ACTR3: variants seen among roughly 807,000 people sequenced by gnomAD.
ACTR3 encodes the protein actin-related protein 3.
Under a neutral mutation model 56.8 loss-of-function variants are expected in ACTR3, and 12 were observed. That is an observed-to-expected ratio of 0.21 (90% CI 0.14 to 0.34). The LOEUF (loss-of-function observed/expected upper bound fraction) is 0.34, where lower values mean the gene tolerates loss of function less well. Ranked by LOEUF, ACTR3 falls within the 10% of genes least tolerant of loss-of-function variation. The pLI is 1.00. For missense variants in ACTR3, 282 were observed against 512.5 expected, an observed-to-expected ratio of 0.55 and a Z score of 4.34; for synonymous variants, 162 against 167.4, an observed-to-expected ratio of 0.97 and a Z score of 0.25.
rs1467014113 is a variant in ACTR3, at chr2:113,951,459, A to G, written c.859-20A>G. ...TCAGTAGTGATATGATCTCTATTAT[A>G]TATCCAACTTATTTTTCAGTTTGCT... On this transcript the variant is annotated intron_variant, in intron 8 of 11. Transcript: ENST00000263238. The G allele has an allele frequency of 5.3e-6, 8 of 1,506,994 alleles. No homozygotes were observed. The highest frequency in any genetic ancestry group is 1.4e-5 in the African/African-American group (1 of 72,766). 93.4% of individuals were successfully genotyped at this position (1,506,994 alleles called of 1,614,324 possible).
intron 1 of ACTR3, among the ~76,000 whole-genome samples, chr2:113,911,667 C>T (rs955163561): frequency 7.9e-5 from 12 of 151,714 alleles, no homozygotes; most frequent in African/African-American, 2.4e-4. Flanking sequence ...GATCCTCTCT[C>T]CTCGGCCTTG....
Position 113,951,475 on chromosome 2 carries a change from T to G in ACTR3, c.859-4T>G. On this transcript the variant is annotated splice_polypyrimidine_tract_variant and splice_region_variant and intron_variant, in intron 8 of 11. Coordinates refer to ENST00000263238, the MANE Select transcript of ACTR3 (RefSeq NM_005721.5). ...CTCTATTATATATCCAACTTATTTT[T>G]CAGTTTGCTAATCCAGACTTTACAC... 1 of 1,591,952 alleles carries G rather than the reference T, an allele frequency of 6.3e-7. No individual in the cohort carries two copies. Among genetic ancestry groups the G allele is most frequent in the South Asian group, 1.1e-5 (1 of 90,518 alleles).
intron 3 of ACTR3, among the ~76,000 whole-genome samples, chr2:113,925,320 C>T (rs1214723289): frequency 6.6e-6 from 1 of 151,584 alleles, no homozygotes; most frequent in Non-Finnish European, 1.5e-5. Flanking sequence ...CTCAGCCTCC[C>T]GAGTAGCTGG....
At chr2:113,897,853 C>T (rs1160726629) in intron 1 of ACTR3, among the ~76,000 whole-genome samples, 6 of 152,084 alleles carry the variant, frequency 3.9e-5, no homozygotes, top group Non-Finnish European at 8.8e-5. Context: ...TTCATCTGTT[C>T]GGATACTCAA....
At position 113,913,292 on chromosome 2, in the gene ACTR3, T is replaced by G. The variant is rs186793034; in HGVS notation, c.100+65T>G. The G allele has an allele frequency of 5.2e-3, 6,303 of 1,205,702 alleles. 80 individuals are homozygous for G. Among genetic ancestry groups the G allele is most frequent in the Non-Finnish European group, 3.6e-3 (3,093 of 849,800 alleles). The allele number at this position is 1,205,702 out of a possible 1,614,324, so 74.7% of individuals were successfully genotyped here. Reference sequence around the variant, plus strand: ...AGATCCCCTTCCCTAATAATTTAAGTAAAAGAAGTAATCAGTTCTGAAATC... The same window carrying G: ...AGATCCCCTTCCCTAATAATTTAAGGAAAAGAAGTAATCAGTTCTGAAATC... On this transcript the variant is annotated intron_variant, in intron 2 of 11. Coordinates refer to ENST00000263238, the MANE Select transcript of ACTR3 (RefSeq NM_005721.5).
chr2:113,931,349 A>G lies in ACTR3; in HGVS notation c.385A>G (p.Ile129Val). Residue 129 changes from isoleucine to valine, a missense_variant, in exon 5 of 12, where the codon ATA (isoleucine) becomes GTA (valine). Physicochemically the swap from Ile to Val is conservative, Grantham distance 29. Transcript: ENST00000263238. ...AGAAAACAGGGAATATACTGCTGAA[A>G]TAATGTTTGAGTCCTTCAATGTTCC... ...TPENREYTAE[I>V]MFESFNVPGL... 1.2e-6 allele frequency: 2 copies of G among 1,600,534 alleles called. No homozygotes were observed. The highest frequency in any genetic ancestry group is 2.3e-5 in the East Asian group (1 of 44,078).
At chr2:113,890,407 G>C (rs932522597) in intron 1 of ACTR3, 84 bp downstream of exon 1, 8 of 1,379,596 alleles carry the variant, frequency 5.8e-6, no homozygotes, top group Admixed American at 4.5e-5. Flanking sequence ...GGAAATGAAT[G>C]GTGCGGCGAG....
At chr2:113,916,863 C>T in intron 2 of ACTR3, 21 bp from the exon 3 acceptor site, 1 of 1,569,092 alleles carries the variant, frequency 6.4e-7, no homozygotes. Flanking sequence ...AATTCTTTGA[C>T]ATGTCTAACT....
chr2:113,907,862 C>G (rs1341882700), intron 1 of ACTR3, among the ~76,000 whole-genome samples: 1 of 149,962 alleles, frequency 6.7e-6, no homozygotes, highest in African/African-American at 2.5e-5. Flanking sequence ...ATCCCAGCTA[C>G]TTGGGAGGCT....
intron 1 of ACTR3, among the ~76,000 whole-genome samples, chr2:113,906,284 TTTC>T (rs1384415423): frequency 2.0e-5 from 3 of 152,186 alleles, no homozygotes; most frequent in Non-Finnish European, 4.4e-5. Flanking sequence ...ATTTGTATAT[TTTC>T]TTTGGAGAAA....
chr2:113,902,364 CTT>C (rs879472838), intron 1 of ACTR3, among the ~76,000 whole-genome samples: 2 of 144,018 alleles, frequency 1.4e-5, no homozygotes, highest in African/African-American at 5.1e-5. Context: ...AGTTGTTTTT[CTT>C]TTTTTTTTTA....
Position 113,959,494 on chromosome 2 carries a change from G to A in ACTR3, c.*2039G>A, listed in dbSNP as rs1247921339. ...ACAATCTCAGGCATATTTATACAGA[G>A]ATGTTCTTAACTGTTTGCTACAAAA... On this transcript the variant is annotated 3_prime_UTR_variant, in exon 12 of 12. Coordinates refer to ENST00000263238, the MANE Select transcript of ACTR3 (RefSeq NM_005721.5). 1 of 151,986 alleles carries A rather than the reference G, an allele frequency of 6.6e-6. No individual in the cohort carries two copies. The highest frequency in any genetic ancestry group is 1.5e-5 in the Non-Finnish European group (1 of 67,906). The allele number at this position is 151,986 out of a possible 1,614,324, so 9.4% of individuals were successfully genotyped here. A position where few individuals can be genotyped will look rare whatever the true frequency, so the allele number is the denominator to read the frequency against.
At position 113,951,854 on chromosome 2, in the gene ACTR3, T is replaced by G. The variant is rs1680126442; in HGVS notation, c.1077+9T>G. Reference sequence around the variant, plus strand: ...GTGGTGGTAGATTGAAGGTTGGTTTTCCCAATTATTGGTGAGAAGGTTGAG... The same window carrying G: ...GTGGTGGTAGATTGAAGGTTGGTTTGCCCAATTATTGGTGAGAAGGTTGAG... On this transcript the variant is annotated intron_variant, in intron 10 of 11. Transcript: ENST00000263238. 6.2e-7 allele frequency: 1 copy of G among 1,612,970 alleles called. No homozygotes were observed. Among genetic ancestry groups the G allele is most frequent in the Non-Finnish European group, 8.5e-7 (1 of 1,179,158 alleles).
At chr2:113,930,971 G>T (rs765540560) in intron 4 of ACTR3, among the ~76,000 whole-genome samples, 1 of 152,060 alleles carries the variant, frequency 6.6e-6, no homozygotes, top group Non-Finnish European at 1.5e-5. Flanking sequence ...ATATTTAAAG[G>T]ATGATTTGAC....
At chr2:113,936,331 TG>T (rs1271114986) in intron 6 of ACTR3, among the ~76,000 whole-genome samples, 28 of 136,200 alleles carry the variant, frequency 2.1e-4, no homozygotes, top group Admixed American at 9.7e-4. Context: ...AAAAGGTTGG[TG>T]GGGGGGTGCT....
intron 3 of ACTR3, 112 bp downstream of exon 3, chr2:113,917,120 C>T: frequency 2.2e-6 from 2 of 916,222 alleles, no homozygotes; most frequent in Non-Finnish European, 2.9e-6. Context: ...CAAACCTCTT[C>T]TCAGTAGAAA....
chr2:113,940,759 TG>T (rs1202630318), intron 7 of ACTR3, among the ~76,000 whole-genome samples: 4 of 151,118 alleles, frequency 2.6e-5, no homozygotes, highest in African/African-American at 7.3e-5. Flanking sequence ...TCTGTTTCCA[TG>T]GTTTTTTTTT....
At chr2:113,892,571 A>G (rs971286152) in intron 1 of ACTR3, among the ~76,000 whole-genome samples, 5 of 152,186 alleles carry the variant, frequency 3.3e-5, no homozygotes, top group Non-Finnish European at 7.4e-5. Context: ...CACATGGAGG[A>G]TAAGTCCTTG....
intron 3 of ACTR3, among the ~76,000 whole-genome samples, chr2:113,924,834 C>A (rs144257833): frequency 2.0e-5 from 3 of 152,184 alleles, no homozygotes; most frequent in African/African-American, 7.2e-5. Context: ...GATATGACCT[C>A]CTCAGCGAAA....
Sources: gnomAD v4.1 joint callset for allele counts (sites outside exome capture counted in the v4.1 genomes callset) on GRCh38, gnomAD v4.1.1 for gene constraint, MANE v1.5 for transcripts, NCBI Gene and HGNC (gene_info 2026-07-23, HGNC 2026-07-21) for gene names.